RELCH: variants seen among roughly 807,000 people sequenced by gnomAD.
RELCH encodes RAB11-binding protein RELCH.
Under a neutral mutation model 150.3 loss-of-function variants are expected in RELCH, and 41 were observed. The observed-to-expected ratio is 0.27, with a 90% CI of 0.21 to 0.35. The LOEUF is 0.35. Among genes scored for constraint, RELCH ranks in the 10% least tolerant of loss-of-function variants. The pLI is 1.00. For missense variants in RELCH, 1,092 were observed against 1,467.8 expected, an observed-to-expected ratio of 0.74 and a Z score of 4.18; for synonymous variants, 478 against 531.8, an observed-to-expected ratio of 0.90 and a Z score of 1.39.
At chr18:62,280,567 T>C in intron 23 of RELCH, 79 bp from the exon 24 acceptor site, 1 of 1,299,540 alleles carries the variant, frequency 7.7e-7, no homozygotes, top group Non-Finnish European at 1.1e-6. Flanking sequence ...ATTTACCTTG[T>C]ACTTACTTTA....
chr18:62,264,652 G>T (rs2043453195), intron 17 of RELCH, 77 bp from the exon 18 acceptor site: 1 of 1,073,154 alleles, frequency 9.3e-7, no homozygotes, highest in African/African-American at 1.6e-5. Context: ...TATTAGATTT[G>T]CATTGTTTCA....
At chr18:62,190,740 G>A (rs2038570981) in intron 1 of RELCH, among the ~76,000 whole-genome samples, 1 of 152,200 alleles carries the variant, frequency 6.6e-6, no homozygotes, top group Non-Finnish European at 1.5e-5. Context: ...TTTTGGGCCT[G>A]GTAATGCTTT....
intron 12 of RELCH, 39 bp downstream of exon 12, chr18:62,252,793 C>T (rs1198319353): frequency 7.0e-7 from 1 of 1,422,386 alleles, no homozygotes; most frequent in South Asian, 1.2e-5. Context: ...GCTATTATAG[C>T]CTGATTTCTT....
At chr18:62,300,034 A>G (rs2045595096) in intron 28 of RELCH, 1 of 152,208 alleles carries the variant, frequency 6.6e-6, no homozygotes, top group African/African-American at 2.4e-5. Context: ...TGAGTTCTGT[A>G]CATTGTAGTT....
intron 11 of RELCH, among the ~76,000 whole-genome samples, chr18:62,245,355 G>A (rs1471092005): frequency 6.6e-6 from 1 of 152,210 alleles, no homozygotes; most frequent in African/African-American, 2.4e-5. Flanking sequence ...CAGGCGCCAT[G>A]GCTCATGCCT....
chr18:62,264,633 A>C, intron 17 of RELCH, 96 bp from the exon 18 acceptor site: 1 of 912,094 alleles, frequency 1.1e-6, no homozygotes, highest in Non-Finnish European at 1.7e-6. Flanking sequence ...AGAACGAAAT[A>C]GAACAGGTTA....
At chr18:62,290,604 T>G (rs1338541217) in intron 26 of RELCH, among the ~76,000 whole-genome samples, 2 of 152,198 alleles carry the variant, frequency 1.3e-5, no homozygotes, top group Non-Finnish European at 2.9e-5. Context: ...GGAGCTAGCT[T>G]TACAGGCTAG....
intron 14 of RELCH, 64 bp downstream of exon 14, chr18:62,258,152 A>G: frequency 7.3e-7 from 1 of 1,364,298 alleles, no homozygotes; most frequent in South Asian, 1.3e-5. Flanking sequence ...TAATATTCCA[A>G]ATCTCTGATT....
chr18:62,257,072 C>T (rs922059968), intron 13 of RELCH, among the ~76,000 whole-genome samples: 2 of 151,966 alleles, frequency 1.3e-5, no homozygotes, highest in African/African-American at 2.4e-5. Flanking sequence ...TGCAAATAGC[C>T]ATGTCATCTG....
intron 1 of RELCH, among the ~76,000 whole-genome samples, chr18:62,189,970 T>C (rs2038501371): frequency 6.6e-6 from 1 of 152,216 alleles, no homozygotes; most frequent in Admixed American, 6.5e-5. Flanking sequence ...TCTATGTGTG[T>C]GTGTACACAT....
chr18:62,210,048 G>A (rs2040061600), intron 1 of RELCH, among the ~76,000 whole-genome samples: 1 of 152,084 alleles, frequency 6.6e-6, no homozygotes, highest in Non-Finnish European at 1.5e-5. Flanking sequence ...TGTCATCTGT[G>A]AATAGCAGTA....
chr18:62,272,242 G>A (rs1238241260), intron 20 of RELCH, among the ~76,000 whole-genome samples: 1 of 152,098 alleles, frequency 6.6e-6, no homozygotes, highest in African/African-American at 2.4e-5. Context: ...AGTGCTAGAC[G>A]CAACAGTATG....
chr18:62,253,675 C>A (rs2042846778), intron 12 of RELCH, among the ~76,000 whole-genome samples: 1 of 152,040 alleles, frequency 6.6e-6, no homozygotes. Flanking sequence ...GTTCTTTGGG[C>A]ATTCATTTTT....
intron 26 of RELCH, among the ~76,000 whole-genome samples, chr18:62,290,341 C>T (rs1481791411): frequency 1.3e-5 from 2 of 152,112 alleles, no homozygotes; most frequent in African/African-American, 4.8e-5. Context: ...CGAGACCAGC[C>T]GAACATGGTG....
chr18:62,289,112 T>G (rs1267893027), intron 26 of RELCH, among the ~76,000 whole-genome samples: 2 of 152,164 alleles, frequency 1.3e-5, no homozygotes, highest in African/African-American at 4.8e-5. Flanking sequence ...CATAGAAATC[T>G]ATATAAAAGG....
chr18:62,262,776 G>A (rs1168225265), intron 16 of RELCH, among the ~76,000 whole-genome samples: 1 of 151,696 alleles, frequency 6.6e-6, no homozygotes, highest in Non-Finnish European at 1.5e-5. Flanking sequence ...TTCTGTATTC[G>A]TTTACTATGG....
intron 1 of RELCH, among the ~76,000 whole-genome samples, chr18:62,189,486 AT>A (rs1183692398): frequency 6.6e-6 from 1 of 151,684 alleles, no homozygotes; most frequent in Non-Finnish European, 1.5e-5. Context: ...ATTTTTCTCC[AT>A]TGGTCAGTTC....
At chr18:62,224,963 C>T (rs544934097) in intron 5 of RELCH, among the ~76,000 whole-genome samples, 1 of 151,848 alleles carries the variant, frequency 6.6e-6, no homozygotes, top group African/African-American at 2.4e-5. Flanking sequence ...GGCTTCAAGT[C>T]TTAAAAGATA....
chr18:62,264,884 GA>G, intron 18 of RELCH, 32 bp downstream of exon 18: 3 of 1,550,850 alleles, frequency 1.9e-6, no homozygotes, highest in Non-Finnish European at 2.6e-6. Flanking sequence ...TTTCTTATAT[GA>G]AAAAGACATA....
Sources: allele counts gnomAD v4.1 joint callset (sites outside exome capture counted in the v4.1 genomes callset), GRCh38; gene constraint gnomAD v4.1.1; transcripts MANE v1.5; gene names NCBI Gene and HGNC (gene_info 2026-07-23, HGNC 2026-07-21).